The following ZPBP variants were observed in gnomAD, a reference collection of about 807,000 sequenced individuals.
ZPBP encodes the protein zona pellucida binding protein.
A neutral mutation model predicts 44.8 loss-of-function variants in ZPBP; 26 were observed. That is an observed-to-expected ratio of 0.58 (90% CI 0.43 to 0.81). The LOEUF is 0.81. Among genes scored for constraint, ZPBP ranks in the 30% least tolerant of loss-of-function variants. The pLI, the probability that ZPBP is intolerant of heterozygous loss-of-function variation, is 0.00. For missense variants in ZPBP, 409 were observed against 434.0 expected (o/e 0.94, Z 0.51); for synonymous variants, 174 against 153.2 (o/e 1.14, Z -1.00).
chr7:49,865,495 C>CT (rs762043934), intron 2 of ZPBP, among the ~76,000 whole-genome samples: 1 of 152,188 alleles, frequency 6.6e-6, no homozygotes, highest in African/African-American at 2.4e-5. Context: ...GCTGATATGT[C>CT]TGGGCTGGTG....
intron 2 of ZPBP, among the ~76,000 whole-genome samples, chr7:50,088,627 A>G (rs888334939): frequency 5.9e-5 from 9 of 152,068 alleles, no homozygotes; most frequent in Admixed American, 5.9e-4. Context: ...TCTACAAATG[A>G]CATATCCATA....
chr7:50,074,483 G>A (rs747324163), intron 3 of ZPBP, among the ~76,000 whole-genome samples: 10 of 151,646 alleles, frequency 6.6e-5, no homozygotes, highest in Non-Finnish European at 1.3e-4. Flanking sequence ...AGACAGAGTA[G>A]ATGAAAAAAC....
intron 5 of ZPBP, among the ~76,000 whole-genome samples, chr7:50,028,111 C>T (rs1799420962): frequency 6.9e-6 from 1 of 144,468 alleles, no homozygotes; most frequent in African/African-American, 2.4e-5. Context: ...TGATTACAGG[C>T]CAATATCCAT....
At chr7:49,938,130 C>T (rs1283219561) in intron 7 of ZPBP, among the ~76,000 whole-genome samples, 6 of 152,080 alleles carry the variant, frequency 3.9e-5, no homozygotes, top group Admixed American at 2.6e-4. Context: ...GGTTGGGGAC[C>T]CCTGCTTTAA....
intron 3 of ZPBP, among the ~76,000 whole-genome samples, chr7:50,064,033 C>T (rs557457118): frequency 3.9e-5 from 6 of 152,206 alleles, no homozygotes; most frequent in Non-Finnish European, 7.4e-5. Flanking sequence ...TATCGGGGGA[C>T]CTGCCCCGAT....
intron 6 of ZPBP, among the ~76,000 whole-genome samples, chr7:50,005,823 ATGTGTGTGTGTGTGTGTGTGTGTG>A (rs71018444): frequency 6.9e-6 from 1 of 144,814 alleles, no homozygotes; most frequent in Non-Finnish European, 1.5e-5. Flanking sequence ...ATAACTATAT[ATGTGTGTGTGTGTGTGTGTGTGTG>A]TGTGTGTGTG....
intron 6 of ZPBP, among the ~76,000 whole-genome samples, chr7:50,006,836 T>C (rs1384220882): frequency 1.3e-5 from 2 of 151,762 alleles, no homozygotes; most frequent in African/African-American, 2.4e-5. Context: ...AGAAGAAAAC[T>C]AAAATCAGAA....
At chr7:49,960,648 A>G (rs1327269023) in intron 7 of ZPBP, among the ~76,000 whole-genome samples, 1 of 152,214 alleles carries the variant, frequency 6.6e-6, no homozygotes, top group East Asian at 1.9e-4. Context: ...TTACAAGTCA[A>G]TAATTATAAG....
intron 6 of ZPBP, among the ~76,000 whole-genome samples, chr7:49,984,617 A>G (rs760401211): frequency 1.3e-5 from 2 of 152,034 alleles, no homozygotes; most frequent in Admixed American, 6.6e-5. Flanking sequence ...TCCAATGAGA[A>G]TCTAATGCTG....
At chr7:49,909,783 C>T (rs1793304874) in intron 1 of ZPBP, among the ~76,000 whole-genome samples, 1 of 152,186 alleles carries the variant, frequency 6.6e-6, no homozygotes, top group East Asian at 1.9e-4. Context: ...AACCTTAGGG[C>T]AGTGTCTGAA....
intron 2 of ZPBP, among the ~76,000 whole-genome samples, chr7:49,862,828 C>A (rs1790712202): frequency 6.6e-6 from 1 of 152,010 alleles, no homozygotes; most frequent in Admixed American, 6.6e-5. Flanking sequence ...CCCATTTGGT[C>A]ATGATGTATA....
chr7:49,907,867 G>A (rs1188006726), intron 1 of ZPBP, among the ~76,000 whole-genome samples: 1 of 152,108 alleles, frequency 6.6e-6, no homozygotes, highest in Non-Finnish European at 1.5e-5. Context: ...GGGTTGTGGA[G>A]ACCATAGTTT....
intron 1 of ZPBP, among the ~76,000 whole-genome samples, chr7:49,907,607 T>C (rs1793175882): frequency 1.3e-5 from 2 of 152,176 alleles, no homozygotes; most frequent in Non-Finnish European, 2.9e-5. Context: ...AGTCTGAGAA[T>C]GTGTGCCCAA....
intron 6 of ZPBP, among the ~76,000 whole-genome samples, chr7:49,990,580 C>G (rs972241794): frequency 2.6e-5 from 4 of 151,422 alleles, no homozygotes; most frequent in Non-Finnish European, 1.5e-5. Flanking sequence ...AAAAAACGTC[C>G]CCTGAAAAGA....
chr7:49,992,265 CA>C (rs367909631), intron 6 of ZPBP, among the ~76,000 whole-genome samples: 232 of 152,004 alleles, frequency 1.5e-3, no homozygotes, highest in African/African-American at 5.1e-3. Flanking sequence ...CCACACCAGC[CA>C]AATTAGATCA....
At chr7:49,887,306 T>C (rs1791944323) in intron 2 of ZPBP, among the ~76,000 whole-genome samples, 1 of 152,184 alleles carries the variant, frequency 6.6e-6, no homozygotes, top group African/African-American at 2.4e-5. Context: ...TTCAGGATAT[T>C]CTGCATCATT....
chr7:50,030,061 G>C lies in ZPBP; in HGVS notation c.706+1031C>G, dbSNP rs144505759. Among the ~76,000 whole-genome samples, 842 of 152,222 alleles carry C rather than the reference G, an allele frequency of 5.5e-3. 8 individuals are homozygous for C. Among genetic ancestry groups the C allele is most frequent in the African/African-American group, 0.019 (796 of 41,520 alleles). ...AGTAGAGGCAGGTTTCGCCATGTTGGCCAGGCTGGTCCCAAACTCCTGACC... is the reference window on the plus strand; with the variant it reads ...AGTAGAGGCAGGTTTCGCCATGTTGCCCAGGCTGGTCCCAAACTCCTGACC... On this transcript the variant is annotated intron_variant, in intron 5 of 7. Transcript: ENST00000046087.
At chr7:49,956,542 A>G (rs532555350) in intron 7 of ZPBP, among the ~76,000 whole-genome samples, 1 of 152,202 alleles carries the variant, frequency 6.6e-6, no homozygotes, top group South Asian at 2.1e-4. Flanking sequence ...AACACTTATA[A>G]TAACTCCCTC....
intron 7 of ZPBP, among the ~76,000 whole-genome samples, chr7:49,969,039 G>C (rs1160421607): frequency 6.6e-6 from 1 of 151,290 alleles, no homozygotes; most frequent in Non-Finnish European, 1.5e-5. Flanking sequence ...ATTACTTCTG[G>C]GCCAGGATGG....
Sources: allele counts gnomAD v4.1 joint callset (sites outside exome capture counted in the v4.1 genomes callset), GRCh38; gene constraint gnomAD v4.1.1; transcripts MANE v1.5; gene names NCBI Gene and HGNC (gene_info 2026-07-23, HGNC 2026-07-21).